ABTB3: variants seen among roughly 807,000 people sequenced by gnomAD.
The protein encoded by ABTB3 is ankyrin repeat- and BTB/POZ domain-containing protein 3.
At chr12:107,606,935 C>T in the ABTB3 span, among the ~76,000 whole-genome samples, 2 of 152,132 alleles carry the variant, frequency 1.3e-5, no homozygotes, top group Admixed American at 6.5e-5. Flanking sequence ...TACTCTGGCC[C>T]GCCTCCCTCT....
the ABTB3 span, among the ~76,000 whole-genome samples, chr12:107,405,550 G>C: frequency 1.3e-5 from 2 of 152,272 alleles, no homozygotes; most frequent in African/African-American, 4.8e-5. Context: ...TGGCACGGCT[G>C]TCCGGGGTTG....
chr12:107,595,846 G>C, the ABTB3 span, among the ~76,000 whole-genome samples: 10 of 151,898 alleles, frequency 6.6e-5, no homozygotes. Flanking sequence ...ATATATGTAT[G>C]CACATATATT....
the ABTB3 span, among the ~76,000 whole-genome samples, chr12:107,375,195 T>A: frequency 2.0e-5 from 3 of 152,160 alleles, no homozygotes; most frequent in South Asian, 6.2e-4. Context: ...GGTGGGAGGA[T>A]CACTTGAACC....
chr12:107,401,416 C>T, the ABTB3 span, among the ~76,000 whole-genome samples: 1 of 152,196 alleles, frequency 6.6e-6, no homozygotes, highest in Non-Finnish European at 1.5e-5. Flanking sequence ...AGGAAATGGA[C>T]ACCTCTCCAG....
At chr12:107,610,136 C>T in the ABTB3 span, 2 of 1,609,154 alleles carry the variant, frequency 1.2e-6, no homozygotes, top group Non-Finnish European at 1.7e-6. Context: ...GAGTTTGCTC[C>T]TGTGCCCCTC....
the ABTB3 span, among the ~76,000 whole-genome samples, chr12:107,526,279 T>C: frequency 1.3e-5 from 2 of 152,030 alleles, no homozygotes; most frequent in South Asian, 4.2e-4. Flanking sequence ...GCCACGAAAA[T>C]CGCCAAACTG....
the ABTB3 span, among the ~76,000 whole-genome samples, chr12:107,554,507 T>G: frequency 1.3e-5 from 2 of 152,240 alleles, no homozygotes; most frequent in African/African-American, 4.8e-5. Context: ...CAGAGGGCTG[T>G]TATTAAGCAG....
At chr12:107,403,294 G>A in the ABTB3 span, among the ~76,000 whole-genome samples, 3 of 152,134 alleles carry the variant, frequency 2.0e-5, no homozygotes, top group East Asian at 3.8e-4. Flanking sequence ...CTTGCATAAG[G>A]CCTTCTTCAT....
chr12:107,365,707 A>T, the ABTB3 span, among the ~76,000 whole-genome samples: 1 of 152,090 alleles, frequency 6.6e-6, no homozygotes, highest in Non-Finnish European at 1.5e-5. Context: ...CAAGGAGGAG[A>T]TGTGCTGTGA....
chr12:107,497,491 CCCA>C, the ABTB3 span, among the ~76,000 whole-genome samples: 2 of 150,984 alleles, frequency 1.3e-5, no homozygotes, highest in South Asian at 2.1e-4. Context: ...CACTGACACC[CCCA>C]CCACCATCAT....
At chr12:107,438,741 G>C in the ABTB3 span, among the ~76,000 whole-genome samples, 1 of 152,072 alleles carries the variant, frequency 6.6e-6, no homozygotes, top group Non-Finnish European at 1.5e-5. Context: ...CAAAGTTTGC[G>C]CTGAAGATGC....
the ABTB3 span, chr12:107,520,647 G>A: frequency 6.2e-7 from 1 of 1,613,896 alleles, no homozygotes; most frequent in Non-Finnish European, 8.5e-7. Context: ...GTAAGTAGAT[G>A]TTGGTTCTCC....
chr12:107,519,281 G>A, the ABTB3 span, among the ~76,000 whole-genome samples: 657 of 151,546 alleles, frequency 4.3e-3, 4 homozygotes, highest in African/African-American at 0.015. Context: ...CTCCAGTTTT[G>A]CAGACAGCAC....
At chr12:107,527,123 C>T in the ABTB3 span, among the ~76,000 whole-genome samples, 2 of 152,066 alleles carry the variant, frequency 1.3e-5, no homozygotes, top group Non-Finnish European at 2.9e-5. Flanking sequence ...GCCCCACCCA[C>T]CTACCCCTCC....
At chr12:107,540,731 C>T in the ABTB3 span, among the ~76,000 whole-genome samples, 5 of 152,082 alleles carry the variant, frequency 3.3e-5, no homozygotes, top group Non-Finnish European at 5.9e-5. Flanking sequence ...CTCATATAAT[C>T]CCAGTACTTT....
At chr12:107,340,691 T>G in the ABTB3 span, among the ~76,000 whole-genome samples, 1 of 152,062 alleles carries the variant, frequency 6.6e-6, no homozygotes, top group African/African-American at 2.4e-5. Flanking sequence ...CCACCCATCC[T>G]ATTTTAGAGA....
At chr12:107,474,059 C>G in the ABTB3 span, among the ~76,000 whole-genome samples, 1 of 152,232 alleles carries the variant, frequency 6.6e-6, no homozygotes, top group Non-Finnish European at 1.5e-5. Flanking sequence ...GCTGGGATTA[C>G]AGGCGTGAGC....
At chr12:107,460,016 C>G in the ABTB3 span, among the ~76,000 whole-genome samples, 2 of 152,222 alleles carry the variant, frequency 1.3e-5, no homozygotes, top group African/African-American at 2.4e-5. Flanking sequence ...CAGGCTGGCT[C>G]CCTGTACCCT....
At chr12:107,444,033 A>G in the ABTB3 span, among the ~76,000 whole-genome samples, 2 of 152,210 alleles carry the variant, frequency 1.3e-5, no homozygotes, top group Admixed American at 1.3e-4. Flanking sequence ...AGACCTGGAA[A>G]GGAACGGAAC....
Sources: allele counts gnomAD v4.1 joint callset (sites outside exome capture counted in the v4.1 genomes callset), GRCh38; gene constraint gnomAD v4.1.1; transcripts MANE v1.5; gene names NCBI Gene and HGNC (gene_info 2026-07-23, HGNC 2026-07-21).